The following LRRC53 variants were observed in gnomAD, a reference collection of about 807,000 sequenced individuals.
The protein encoded by LRRC53 is leucine rich repeat containing 53, also known as leucine-rich repeat-containing protein 53.
Under a neutral mutation model 13.6 loss-of-function variants are expected in LRRC53, and 25 were observed. The ratio of observed to expected loss-of-function variants is 1.83; its 90% confidence interval spans 1.34 to 2.56. The LOEUF (loss-of-function observed/expected upper bound fraction) is 2.56, where lower values mean the gene tolerates loss of function less well. Ranked by LOEUF, LRRC53 falls within the 30% of genes most tolerant of loss-of-function variation. The pLI, the probability that LRRC53 is intolerant of heterozygous loss-of-function variation, is 0.00. For missense variants in LRRC53, 527 were observed against 275.8 expected, an observed-to-expected ratio of 1.91 and a Z score of -6.45; for synonymous variants, 204 against 109.8, an observed-to-expected ratio of 1.86 and a Z score of -5.37.
chr1:74,527,601 A>G, the LRRC53 span, among the ~76,000 whole-genome samples: 2 of 152,192 alleles, frequency 1.3e-5, no homozygotes, highest in African/African-American at 2.4e-5. Context: ...ATGAAGTTCC[A>G]GAAGGAGGTA....
rs1570663484 is a variant in LRRC53, at chr1:74,471,261, C to A, written c.2361G>T (p.Leu787=). The change falls in exon 5 of 5, where the codon CTG becomes CTT. Residue 787 remains leucine (L), a synonymous_variant. Transcript: ENST00000294635. ...SNYVRLTSKR[L]PLKHDSKQTP... is the part of the protein sequence containing the mutation. ...TCTGCTTTGAGTCATGTTTCAGAGG[C>A]AGCCTCTTTGAAGTGAGTCTAACAT... The A allele has an allele frequency of 1.0e-5, 4 of 400,696 alleles. No homozygotes were observed. Among genetic ancestry groups the A allele is most frequent in the South Asian group, 1.3e-4 (1 of 7,944 alleles). 24.8% of individuals were successfully genotyped at this position (400,696 alleles called of 1,614,324 possible).
rs79452315 is a variant in LRRC53 at position 74,504,211 on chromosome 1, C to T, written c.-27+8315G>A. On this transcript the variant is annotated intron_variant, in intron 1 of 4. Transcript: ENST00000294635. Reference sequence around the variant, plus strand: ...TATCTTACAAATCACCAGAATTGGACATAGTCTGTGATGAAAGGTGATAGG... The same window carrying T: ...TATCTTACAAATCACCAGAATTGGATATAGTCTGTGATGAAAGGTGATAGG... 8.7e-3 allele frequency among the ~76,000 whole-genome samples: 1,319 copies of T among 152,322 alleles called. 17 individuals carry two copies. The highest frequency in any genetic ancestry group is 0.031 in the African/African-American group (1,269 of 41,566).
At chr1:74,497,597 C>G (rs567167949) in intron 1 of LRRC53, among the ~76,000 whole-genome samples, 101 of 151,762 alleles carry the variant, frequency 6.7e-4, no homozygotes, top group African/African-American at 2.3e-3. Flanking sequence ...CATGCACACA[C>G]ACACATCTAC....
In LRRC53 at chr1:74,502,345, T is replaced by C. The variant is rs74518476; in HGVS notation, c.-27+10181A>G. Reference sequence around the variant, plus strand: ...TGAACATAATGACTTCCCACAAACATGATGCCATTGAATTCAACAATCTTG... The same window carrying C: ...TGAACATAATGACTTCCCACAAACACGATGCCATTGAATTCAACAATCTTG... On this transcript the variant is annotated intron_variant, in intron 1 of 4. Transcript: ENST00000294635. Among the ~76,000 whole-genome samples, 785 of 152,298 alleles carry C rather than the reference T, an allele frequency of 5.2e-3. 10 individuals carry two copies. Among genetic ancestry groups the C allele is most frequent in the African/African-American group, 0.017 (725 of 41,564 alleles).
chr1:74,528,790 A>G, the LRRC53 span, among the ~76,000 whole-genome samples: 1 of 152,212 alleles, frequency 6.6e-6, no homozygotes, highest in Non-Finnish European at 1.5e-5. Flanking sequence ...CGGCACTTCA[A>G]CTGCAGGAAC....
At chr1:74,510,435 G>A (rs1670127685) in intron 1 of LRRC53, among the ~76,000 whole-genome samples, 1 of 152,152 alleles carries the variant, frequency 6.6e-6, no homozygotes, top group African/African-American at 2.4e-5. Flanking sequence ...TTGAACCCGG[G>A]AGGTGGAGCT....
At chr1:74,515,616 G>A (rs575418230), upstream of LRRC53, among the ~76,000 whole-genome samples, 3 of 152,284 alleles carry the variant, frequency 2.0e-5, no homozygotes, top group Admixed American at 2.0e-4. Flanking sequence ...ATAACTCAGG[G>A]TGGGCAGGTG....
chr1:74,528,652 G>C, the LRRC53 span, among the ~76,000 whole-genome samples: 5 of 152,206 alleles, frequency 3.3e-5, no homozygotes, highest in African/African-American at 7.2e-5. Flanking sequence ...CTGTTGGTTG[G>C]TTTGGAACTG....
intron 4 of LRRC53, 138 bp downstream of exon 4, chr1:74,475,157 C>CACAG (rs1491153572): frequency 7.2e-6 from 4 of 551,868 alleles, no homozygotes; most frequent in East Asian, 2.8e-5. Flanking sequence ...CACACACACA[C>CACAG]AGTATTTTTA....
chr1:74,531,041 A>G, the LRRC53 span, among the ~76,000 whole-genome samples: 1 of 152,118 alleles, frequency 6.6e-6, no homozygotes, highest in Admixed American at 6.5e-5. Flanking sequence ...GGAAGCTGAG[A>G]CCTTGGATAT....
At chr1:74,521,473 T>A in the LRRC53 span, among the ~76,000 whole-genome samples, 1 of 120,930 alleles carries the variant, frequency 8.3e-6, no homozygotes, top group Admixed American at 8.1e-5. Context: ...CTTATCTCTC[T>A]CACACACACA....
intron 3 of LRRC53, 128 bp from the exon 4 acceptor site, chr1:74,475,938 A>C: frequency 2.2e-6 from 1 of 451,784 alleles, no homozygotes; most frequent in Non-Finnish European, 3.9e-6. Flanking sequence ...GAAGTCCTTC[A>C]CCATTTGGAA....
Position 74,480,194 on chromosome 1 carries a change from G to T in LRRC53, c.863C>A (p.Pro288Gln). 2 of 717,462 alleles carry T rather than the reference G, an allele frequency of 2.8e-6. No individual in the cohort carries two copies. The highest frequency in any genetic ancestry group is 1.5e-5 in the South Asian group (1 of 67,598). The allele number at this position is 717,462 out of a possible 1,614,324, so 44.4% of individuals were successfully genotyped here. ...AGTCAGCAGGGCCACATCTGGTCCT[G>T]GGAGGAGGGGACTTCTGTCCTTTAG... ...LVLKDRSPLL[P>Q]GPDVALLTVL... The change falls in exon 3 of 5, where the codon CCA becomes CAA. Residue 288 changes from proline (P) to glutamine (Q), a missense_variant. Coordinates refer to ENST00000294635, the MANE Select transcript of LRRC53 (RefSeq NM_001382280.1).
the LRRC53 span, among the ~76,000 whole-genome samples, chr1:74,528,666 A>G: frequency 6.6e-6 from 1 of 152,166 alleles, no homozygotes; most frequent in Non-Finnish European, 1.5e-5. Flanking sequence ...GGAACTGGAG[A>G]TGTTGCTGGA....
At chr1:74,510,174 G>C (rs1326684746) in intron 1 of LRRC53, among the ~76,000 whole-genome samples, 1 of 152,096 alleles carries the variant, frequency 6.6e-6, no homozygotes, top group Non-Finnish European at 1.5e-5. Flanking sequence ...TTTACTTCCT[G>C]AGATCAGTAG....
At chr1:74,483,488 C>G (rs1570682221) in intron 1 of LRRC53, 113 bp from the exon 2 acceptor site, 1 of 546,184 alleles carries the variant, frequency 1.8e-6, no homozygotes, top group East Asian at 3.0e-5. Context: ...CAATGAGCAT[C>G]TTGGTGTTCT....
chr1:74,510,743 G>C (rs1189212220), intron 1 of LRRC53, among the ~76,000 whole-genome samples: 5 of 152,170 alleles, frequency 3.3e-5, no homozygotes, highest in Admixed American at 1.3e-4. Context: ...GCATTGAAAA[G>C]TTCATGGAAT....
Position 74,470,184 on chromosome 1 carries a change from G to T in LRRC53, c.3438C>A (p.Ser1146=), listed in dbSNP as rs2100734270. The change falls in exon 5 of 5, where the codon TCC becomes TCA. Residue 1146 remains serine (S), a synonymous_variant. Transcript: ENST00000294635. ...AAAGTATTCTATTTTGGGTTTCATG[G>T]GAACTTGTGATACTTAAATCTTTAG... ...ITAKDLSITS[S]HETQNRILCS... 2.5e-6 allele frequency: 1 copy of T among 400,604 alleles called. No homozygotes were observed. 24.8% of individuals were successfully genotyped at this position (400,604 alleles called of 1,614,324 possible). A position where few individuals can be genotyped will look rare whatever the true frequency, so the allele number is the denominator to read the frequency against.
Position 74,480,620 on chromosome 1 carries a change from A to G in LRRC53, c.437T>C (p.Leu146Pro), listed in dbSNP as rs566949255. 67 of 717,260 alleles carry G rather than the reference A, an allele frequency of 9.3e-5. 1 individual carries two copies. The South Asian group carries it at 9.8e-4, about 10-fold the overall frequency. 44.4% of individuals were successfully genotyped at this position (717,260 alleles called of 1,614,324 possible). ...CGTGCCTCCGAAAGAACTGTCTGTGAGATTAGTAATCTGATTCCCATCCAG... is the reference window on the plus strand; with the variant it reads ...CGTGCCTCCGAAAGAACTGTCTGTGGGATTAGTAATCTGATTCCCATCCAG... The part of the protein sequence containing the change: ...LQLDGNQITN[L>P]TDSSFGGTNL... The change falls in exon 3 of 5, where the codon CTC becomes CCC. Residue 146 changes from leucine (L) to proline (P), a missense_variant. By Grantham distance (98) the Leu-to-Pro change is moderately conservative. Coordinates refer to ENST00000294635, the MANE Select transcript of LRRC53 (RefSeq NM_001382280.1).
Sources: gnomAD v4.1 joint callset for allele counts (sites outside exome capture counted in the v4.1 genomes callset) on GRCh38, gnomAD v4.1.1 for gene constraint, MANE v1.5 for transcripts, NCBI Gene and HGNC (gene_info 2026-07-23, HGNC 2026-07-21) for gene names.